LPP: variants seen among roughly 807,000 people sequenced by gnomAD.
LPP encodes the protein lipoma-preferred partner.
LPP carries 38 observed loss-of-function variants against 60.4 expected under a neutral mutation model. The observed-to-expected ratio is 0.63, with a 90% CI of 0.49 to 0.83. The LOEUF (loss-of-function observed/expected upper bound fraction) is 0.83. Among genes scored for constraint, LPP ranks in the 40% least tolerant of loss-of-function variants. The probability of loss-of-function intolerance (pLI) is 0.00; values close to 1 mark genes in which losing one functional copy is unlikely to be tolerated. For synonymous variants in LPP, 328 were observed against 290.8 expected (o/e 1.13, Z -1.30); for missense variants, 902 against 783.6 (o/e 1.15, Z -1.80).
intron 7 of LPP, among the ~76,000 whole-genome samples, chr3:188,706,809 A>G (rs185848508): frequency 2.0e-5 from 3 of 152,312 alleles, no homozygotes. Flanking sequence ...CTATTTTAAC[A>G]ATGCATAAAT....
chr3:188,582,355 C>A (rs1208111712), intron 6 of LPP, among the ~76,000 whole-genome samples: 1 of 150,452 alleles, frequency 6.6e-6, no homozygotes, highest in Non-Finnish European at 1.5e-5. Context: ...TTTCTGTTTT[C>A]TTTTTATTAG....
At chr3:188,231,207 G>A (rs1202138899) in intron 2 of LPP, among the ~76,000 whole-genome samples, 2 of 152,152 alleles carry the variant, frequency 1.3e-5, no homozygotes, top group Non-Finnish European at 2.9e-5. Context: ...TGAAGGGGAG[G>A]GGTGAATATG....
intron 2 of LPP, among the ~76,000 whole-genome samples, chr3:188,245,541 C>A (rs12629150): frequency 0.48 from 73,281 of 151,798 alleles, 18,357 homozygotes; most frequent in Middle Eastern, 0.63. Context: ...CTTCCTTTTG[C>A]CTTTTCACCT....
chr3:188,793,363 G>T, intron 9 of LPP, among the ~76,000 whole-genome samples: 1 of 151,920 alleles, frequency 6.6e-6, no homozygotes, highest in Non-Finnish European at 1.5e-5. Flanking sequence ...TGTATTTTTA[G>T]CAGAGATGGC....
At chr3:188,291,057 G>A (rs909760374) in intron 2 of LPP, among the ~76,000 whole-genome samples, 11 of 152,190 alleles carry the variant, frequency 7.2e-5, no homozygotes, top group Admixed American at 1.3e-4. Context: ...TCTAACATAT[G>A]TATTTCACCC....
chr3:188,272,283 G>A (rs1048313701), intron 2 of LPP, among the ~76,000 whole-genome samples: 3 of 152,108 alleles, frequency 2.0e-5, no homozygotes, highest in African/African-American at 7.2e-5. Context: ...GTCTGTTTAT[G>A]TTTCCTATTG....
At chr3:188,266,198 C>T (rs562143880) in intron 2 of LPP, among the ~76,000 whole-genome samples, 13 of 152,186 alleles carry the variant, frequency 8.5e-5, no homozygotes, top group African/African-American at 2.9e-4. Context: ...CAGCAGCACT[C>T]CCCTCCCTAA....
chr3:188,794,724 C>T (rs1325740721), intron 9 of LPP, among the ~76,000 whole-genome samples: 1 of 151,734 alleles, frequency 6.6e-6, no homozygotes, highest in East Asian at 1.9e-4. Context: ...GAGACCATGA[C>T]AAAGGTTTTT....
At chr3:188,549,776 T>G (rs144372443) in intron 6 of LPP, among the ~76,000 whole-genome samples, 2 of 152,334 alleles carry the variant, frequency 1.3e-5, no homozygotes, top group African/African-American at 4.8e-5. Context: ...AAATTGTATT[T>G]ACTCATGTAT....
At chr3:188,328,445 A>C (rs1035227562) in intron 2 of LPP, among the ~76,000 whole-genome samples, 1 of 152,252 alleles carries the variant, frequency 6.6e-6, no homozygotes, top group Non-Finnish European at 1.5e-5. Flanking sequence ...TGTCAAGTGC[A>C]CAGTAGTAGA....
At chr3:188,252,170 CATATATATATATATATATATAT>C (rs10609191) in intron 2 of LPP, among the ~76,000 whole-genome samples, 15 of 101,904 alleles carry the variant, frequency 1.5e-4, no homozygotes, top group African/African-American at 3.8e-4. Flanking sequence ...CTTCCCCAAA[CATATATATATATATATATATAT>C]ATATATATAT....
intron 3 of LPP, among the ~76,000 whole-genome samples, chr3:188,383,266 C>A (rs1777373392): frequency 6.6e-6 from 1 of 151,986 alleles, no homozygotes; most frequent in African/African-American, 2.4e-5. Flanking sequence ...ACATTTGTTC[C>A]TAGACATAAT....
chr3:188,386,260 GCGCGCACACACACACACACA>G (rs1186532012), intron 3 of LPP, among the ~76,000 whole-genome samples: 1,650 of 96,818 alleles, frequency 0.017, 43 homozygotes, highest in East Asian at 0.07. Context: ...GTCATAGCAT[GCGCGCACACACACACACACA>G]CACACACACA....
intron 3 of LPP, among the ~76,000 whole-genome samples, chr3:188,350,896 A>G (rs1341277296): frequency 1.3e-5 from 2 of 152,150 alleles, no homozygotes; most frequent in East Asian, 3.9e-4. Context: ...CTCTTATAAA[A>G]TACACCCCTT....
intron 4 of LPP, among the ~76,000 whole-genome samples, chr3:188,445,454 A>C (rs1460913641): frequency 2.0e-5 from 3 of 152,270 alleles, no homozygotes; most frequent in Non-Finnish European, 2.9e-5. Flanking sequence ...ACACATGGAC[A>C]CAGGGAGGGT....
At position 188,245,213 on chromosome 3, in the gene LPP, A is replaced by G. The variant is rs112227757; in HGVS notation, c.-67+19686A>G. Among the ~76,000 whole-genome samples, 107 of 151,984 alleles carry G rather than the reference A, an allele frequency of 7.0e-4. 1 individual carries two copies. Among genetic ancestry groups the G allele is most frequent in the African/African-American group, 2.5e-3 (104 of 41,448 alleles). On this transcript the variant is annotated intron_variant, in intron 2 of 11. Coordinates refer to ENST00000617246, the MANE Select transcript of LPP (RefSeq NM_001375462.1). ...CTGCAACCTCTGCCTCCCGGGTTCA[A>G]GCAATTCTCCTGCCTCAGCCTCCCA...
intron 8 of LPP, among the ~76,000 whole-genome samples, chr3:188,733,576 A>G (rs563903022): frequency 6.6e-6 from 1 of 152,254 alleles, no homozygotes; most frequent in South Asian, 2.1e-4. Flanking sequence ...ACTTTATTCC[A>G]AGATAATTCA....
At chr3:188,490,735 C>G (rs1000329795) in intron 5 of LPP, among the ~76,000 whole-genome samples, 2 of 142,336 alleles carry the variant, frequency 1.4e-5, no homozygotes, top group African/African-American at 5.1e-5. Flanking sequence ...CAAGTTTTAG[C>G]AAAACTGGCA....
rs370510906 is a variant in LPP at position 188,497,081 on chromosome 3, G to C, written c.306+12377G>C. On this transcript the variant is annotated intron_variant, in intron 5 of 11. Coordinates refer to ENST00000617246, the MANE Select transcript of LPP (RefSeq NM_001375462.1). ...TCATATTATAAGAAATATAAGTTTT[G>C]TGGTTTTTTTTGAAATAAAAATTTG... Among the ~76,000 whole-genome samples the C allele has an allele frequency of 7.1e-4, 107 of 151,696 alleles. 4 individuals are homozygous for C. The South Asian group carries it at 0.021, about 30-fold the overall frequency.
Sources: allele counts gnomAD v4.1 joint callset (sites outside exome capture counted in the v4.1 genomes callset), GRCh38; gene constraint gnomAD v4.1.1; transcripts MANE v1.5; gene names NCBI Gene and HGNC (gene_info 2026-07-23, HGNC 2026-07-21).